ATP8A2: variants seen among roughly 807,000 people sequenced by gnomAD.
ATP8A2 encodes phospholipid-transporting ATPase IB.
ATP8A2 carries 100 observed loss-of-function variants against 165.6 expected under a neutral mutation model. The ratio of observed to expected loss-of-function variants is 0.60; its 90% confidence interval spans 0.51 to 0.71. The LOEUF (loss-of-function observed/expected upper bound fraction) is 0.71. Among genes scored for constraint, ATP8A2 ranks in the 30% least tolerant of loss-of-function variants. The pLI is 0.00. For missense variants in ATP8A2, 1,227 were observed against 1,479.5 expected, an observed-to-expected ratio of 0.83 and a Z score of 2.80; for synonymous variants, 543 against 548.8, an observed-to-expected ratio of 0.99 and a Z score of 0.15.
In ATP8A2 at chr13:26,020,814, T is replaced by G. The variant is rs1192721444; in HGVS notation, c.*829T>G. 6.6e-6 allele frequency: 1 copy of G among 152,284 alleles called. No homozygotes were observed. Among genetic ancestry groups the G allele is most frequent in the Non-Finnish European group, 1.5e-5 (1 of 68,080 alleles). The allele number at this position is 152,284 out of a possible 1,614,324, so 9.4% of individuals were successfully genotyped here. ...GAAAAATTCCTTCTTCCACCGCCCT[T>G]CTCGTTCTGTAAAGAAAGAAAAGAA... On this transcript the variant is annotated 3_prime_UTR_variant, in exon 37 of 37. Transcript: ENST00000381655.
At chr13:25,504,421 CTTTTTTTTTTT>C (rs577817952) in intron 2 of ATP8A2, among the ~76,000 whole-genome samples, 1 of 124,188 alleles carries the variant, frequency 8.1e-6, no homozygotes, top group Admixed American at 8.3e-5. Flanking sequence ...CTTTCCTTTC[CTTTTTTTTTTT>C]TTTTTTTTTT....
chr13:25,902,125 G>T (rs1953770149), intron 33 of ATP8A2, among the ~76,000 whole-genome samples: 1 of 152,144 alleles, frequency 6.6e-6, no homozygotes, highest in South Asian at 2.1e-4. Flanking sequence ...CAATGAAAAA[G>T]TTCACTGAGC....
chr13:25,923,973 A>G (rs1286745899), intron 33 of ATP8A2, among the ~76,000 whole-genome samples: 2 of 152,238 alleles, frequency 1.3e-5, no homozygotes, highest in Admixed American at 6.5e-5. Context: ...GACTTTCATC[A>G]TTATCAAAGG....
At chr13:25,391,482 C>A (rs1191254422) in intron 1 of ATP8A2, among the ~76,000 whole-genome samples, 1 of 152,206 alleles carries the variant, frequency 6.6e-6, no homozygotes, top group Admixed American at 6.5e-5. Context: ...AAATCATAAT[C>A]CCTTTCCCCA....
rs2041929728 is a variant in ATP8A2, at chr13:25,656,465, A to G, written c.2212-42708A>G. On this transcript the variant is annotated intron_variant, in intron 24 of 36. Transcript: ENST00000381655. The stretch of plus-strand genomic sequence containing the variant: ...TAATTTTTGTATTTTTAATAGAGAC[A>G]AAGTTTGACCATGTTGGCCAGGCTG... 2.0e-5 allele frequency among the ~76,000 whole-genome samples: 3 copies of G among 151,860 alleles called. No individual in the cohort carries two copies. In the South Asian group the frequency reaches 6.3e-4, roughly 32 times the overall value.
At chr13:25,999,803 G>A (rs1039367755) in intron 35 of ATP8A2, among the ~76,000 whole-genome samples, 6 of 152,162 alleles carry the variant, frequency 3.9e-5, no homozygotes, top group African/African-American at 9.6e-5. Context: ...GCAGAAAGGG[G>A]AAAGGAGAAT....
At chr13:25,987,165 A>G (rs1006152764) in intron 35 of ATP8A2, among the ~76,000 whole-genome samples, 13 of 152,142 alleles carry the variant, frequency 8.5e-5, no homozygotes, top group Admixed American at 5.9e-4. Context: ...TGCGCCCTGT[A>G]TGTTGTTATA....
rs932366528 is a variant in ATP8A2 at position 25,720,944 on chromosome 13, A to G, written c.2384+21599A>G. 4.1e-5 allele frequency among the ~76,000 whole-genome samples: 6 copies of G among 146,512 alleles called. 1 individual carries two copies. The highest frequency in any genetic ancestry group is 3.4e-4 in the Admixed American group (5 of 14,724). On this transcript the variant is annotated intron_variant, in intron 25 of 36. Transcript: ENST00000381655. ...AGAGGCCTCAGCTCTGACTGGTCTG[A>G]GCTGTGGGAGCTTTAGCTTTTTTTT...
chr13:25,826,729 A>C (rs530681001), intron 27 of ATP8A2, among the ~76,000 whole-genome samples: 5 of 152,188 alleles, frequency 3.3e-5, no homozygotes, highest in African/African-American at 1.2e-4. Context: ...TCTGCCCTCA[A>C]TCAGACTCTC....
At chr13:25,901,798 A>C (rs943905992) in intron 33 of ATP8A2, among the ~76,000 whole-genome samples, 2 of 152,210 alleles carry the variant, frequency 1.3e-5, no homozygotes, top group Admixed American at 6.5e-5. Context: ...CTGGGAAACT[A>C]TCTCTAAACA....
intron 2 of ATP8A2, among the ~76,000 whole-genome samples, chr13:25,516,702 A>G (rs925354545): frequency 6.6e-6 from 1 of 151,950 alleles, no homozygotes; most frequent in Non-Finnish European, 1.5e-5. Context: ...GTGCAAAATT[A>G]AATAAATCTC....
chr13:25,936,000 A>G (rs970567963), intron 33 of ATP8A2, among the ~76,000 whole-genome samples: 1 of 152,238 alleles, frequency 6.6e-6, no homozygotes, highest in African/African-American at 2.4e-5. Flanking sequence ...AACTAACTTT[A>G]GATGAATCAT....
intron 21 of ATP8A2, among the ~76,000 whole-genome samples, chr13:25,579,367 T>C (rs2039705273): frequency 6.6e-6 from 1 of 152,232 alleles, no homozygotes; most frequent in Non-Finnish European, 1.5e-5. Flanking sequence ...CTTTCTGGCC[T>C]CTGGCTCTGC....
At chr13:25,614,418 C>T (rs575316766) in intron 24 of ATP8A2, among the ~76,000 whole-genome samples, 1 of 152,124 alleles carries the variant, frequency 6.6e-6, no homozygotes, top group East Asian at 1.9e-4. Context: ...TGTCCATATC[C>T]TGTAACATTT....
At chr13:25,929,338 T>C (rs1954699117) in intron 33 of ATP8A2, among the ~76,000 whole-genome samples, 1 of 152,132 alleles carries the variant, frequency 6.6e-6, no homozygotes, top group African/African-American at 2.4e-5. Context: ...ACGGTGAGGC[T>C]GCAAGCAAGA....
intron 25 of ATP8A2, among the ~76,000 whole-genome samples, chr13:25,762,482 G>A (rs186373240): frequency 6.6e-6 from 1 of 152,118 alleles, no homozygotes; most frequent in Non-Finnish European, 1.5e-5. Context: ...AGTCATTTAT[G>A]TATTCCTTTC....
chr13:25,524,702 G>A (rs1302128814), intron 2 of ATP8A2, among the ~76,000 whole-genome samples: 6 of 151,866 alleles, frequency 4.0e-5, no homozygotes, highest in African/African-American at 1.5e-4. Flanking sequence ...CTTTCATTCT[G>A]TGTGTGTCTT....
chr13:25,683,107 C>A (rs1297961182), intron 24 of ATP8A2, among the ~76,000 whole-genome samples: 1 of 152,128 alleles, frequency 6.6e-6, no homozygotes, highest in African/African-American at 2.4e-5. Flanking sequence ...AGATCATAAG[C>A]AGAAAAATGA....
intron 21 of ATP8A2, 88 bp downstream of exon 21, chr13:25,578,987 G>A (rs553105460): frequency 4.0e-5 from 36 of 894,198 alleles, no homozygotes; most frequent in East Asian, 1.2e-4. Flanking sequence ...CATTCTTCCA[G>A]TGCCTGCCCC....
Sources: gnomAD v4.1 joint callset for allele counts (sites outside exome capture counted in the v4.1 genomes callset) on GRCh38, gnomAD v4.1.1 for gene constraint, MANE v1.5 for transcripts, NCBI Gene and HGNC (gene_info 2026-07-23, HGNC 2026-07-21) for gene names.